HDAC4: variants seen among roughly 807,000 people sequenced by gnomAD.
HDAC4 encodes histone deacetylase A.
Under a neutral mutation model 135.1 loss-of-function variants are expected in HDAC4, and 16 were observed. The ratio of observed to expected loss-of-function variants is 0.12; its 90% CI spans 0.08 to 0.18. The LOEUF (loss-of-function observed/expected upper bound fraction) is 0.18. Ranked by LOEUF, HDAC4 falls within the 10% of genes least tolerant of loss-of-function variation. The probability of loss-of-function intolerance (pLI) is 1.00; values close to 1 mark genes in which losing one functional copy is unlikely to be tolerated. For synonymous variants in HDAC4, 685 were observed against 653.4 expected, an observed-to-expected ratio of 1.05 and a Z score of -0.74; for missense variants, 1,143 against 1,511.8, an observed-to-expected ratio of 0.76 and a Z score of 4.05.
chr2:239,090,081 C>T lies in HDAC4; in HGVS notation c.2316G>A (p.Ser772=), dbSNP rs200969154. The T allele has an allele frequency of 2.6e-5, 42 of 1,613,842 alleles. No homozygotes were observed. The highest frequency in any genetic ancestry group is 3.3e-4 in the Middle Eastern group (2 of 6,062). ...CCACAGCCAGGCGGGCTGCCCCCGC[C>T]GAGTGCACCTCGTTCCATATGGTGT... ...DSDTIWNEVH[S]AGAARLAVGC... The change falls in exon 18 of 27, where the codon TCG becomes TCA. Residue 772 remains serine, a synonymous_variant. Coordinates refer to ENST00000543185, the MANE Select transcript of HDAC4 (RefSeq NM_001378414.1).
At chr2:239,281,243 TCCACA>T (rs2125367478) in intron 2 of HDAC4, among the ~76,000 whole-genome samples, 1 of 128,492 alleles carries the variant, frequency 7.8e-6, no homozygotes, top group Non-Finnish European at 1.6e-5. Context: ...CACACCACTC[TCCACA>T]CAATGTACAC....
chr2:239,389,342 C>T (rs116344477), intron 1 of HDAC4, among the ~76,000 whole-genome samples: 2,066 of 152,308 alleles, frequency 0.014, 21 homozygotes, highest in Middle Eastern at 0.037. Flanking sequence ...TGGGTCCGCA[C>T]TACCTTTAAG....
chr2:239,141,002 T>A lies in HDAC4; in HGVS notation c.866-1206A>T, dbSNP rs2041337098. On this transcript the variant is annotated intron_variant, in intron 8 of 26. Coordinates refer to ENST00000543185, the MANE Select transcript of HDAC4 (RefSeq NM_001378414.1). The surrounding 1 kb of genome is among the most constrained non-coding windows in gnomAD (Gnocchi z 4.9). The stretch of plus-strand genomic sequence containing the variant: ...AGCTCCCCCAACCTGGCAGACCTGA[T>A]TCCAAACTTTGCCTTTATTAGCTCA... 1 of 381,064 alleles carries A rather than the reference T, an allele frequency of 2.6e-6. No homozygotes were observed. The allele number at this position is 381,064 out of a possible 1,614,324, so 23.6% of individuals were successfully genotyped here.
intron 12 of HDAC4, among the ~76,000 whole-genome samples, chr2:239,126,105 T>C (rs2040168186): frequency 1.3e-5 from 2 of 152,244 alleles, no homozygotes; most frequent in Non-Finnish European, 2.9e-5. Context: ...TTCCATTCGC[T>C]GGCACTGATG....
At chr2:239,054,959 G>A (rs1045479644) in intron 24 of HDAC4, 126 bp from the exon 25 acceptor site, 7 of 734,188 alleles carry the variant, frequency 9.5e-6, no homozygotes, top group Admixed American at 2.0e-5. Context: ...TGCCCACAGA[G>A]TAGAAAAAAA....
Position 239,141,855 on chromosome 2 carries a change from T to G in HDAC4, c.866-2059A>C, listed in dbSNP as rs759085525. 6.6e-6 allele frequency among the ~76,000 whole-genome samples: 1 copy of G among 152,260 alleles called. No homozygotes were observed. The highest frequency in any genetic ancestry group is 1.5e-5 in the Non-Finnish European group (1 of 68,046). On this transcript the variant is annotated intron_variant, in intron 8 of 26. Transcript: ENST00000543185. This position sits in a 1 kb window ranked among gnomAD's most constrained non-coding sequence, Gnocchi z 4.9. ...CTCAACGAGGTTAATTTTATTTTTT[T>G]GCATTCTACTTCCAGGAATAGGTCT... is the stretch of plus-strand genomic sequence containing the variant.
chr2:239,116,587 C>T (rs769218950), intron 12 of HDAC4, among the ~76,000 whole-genome samples: 10 of 152,236 alleles, frequency 6.6e-5, no homozygotes, highest in South Asian at 2.1e-4. Flanking sequence ...CCAGCGTCAA[C>T]GCTTTGCAAT....
chr2:239,301,103 C>A (rs1245243511), intron 2 of HDAC4, among the ~76,000 whole-genome samples: 1 of 152,208 alleles, frequency 6.6e-6, no homozygotes, highest in East Asian at 1.9e-4. Context: ...GGCCTTCCTG[C>A]AGCAACCCCT....
At chr2:239,082,000 A>G in intron 21 of HDAC4, 102 bp downstream of exon 21, 1 of 1,286,118 alleles carries the variant, frequency 7.8e-7, no homozygotes, top group South Asian at 1.2e-5. Flanking sequence ...CGAAGGCCGC[A>G]CTCACTGCTG....
Position 239,352,130 on chromosome 2 carries a change from C to G in HDAC4, c.22+548G>C, listed in dbSNP as rs536421425. Among the ~76,000 whole-genome samples the G allele has an allele frequency of 3.7e-4, 57 of 152,320 alleles. No individual in the cohort carries two copies. Among genetic ancestry groups the G allele is most frequent in the African/African-American group, 1.3e-3 (56 of 41,556 alleles). Reference sequence around the variant, plus strand: ...CACCTACCAGCTCTGTGACCTCAGGCAAATTACTTCTTCCCTCCAGGCCTG... The same window carrying G: ...CACCTACCAGCTCTGTGACCTCAGGGAAATTACTTCTTCCCTCCAGGCCTG... On this transcript the variant is annotated intron_variant, in intron 2 of 26. Transcript: ENST00000543185. This position sits in a 1 kb window ranked among gnomAD's most constrained non-coding sequence, Gnocchi z 4.4.
chr2:239,102,498 G>A (rs1257895298), intron 16 of HDAC4: 8 of 447,896 alleles, frequency 1.8e-5, no homozygotes, highest in Non-Finnish European at 3.3e-5. Flanking sequence ...TGCTGGCTGT[G>A]TTCCTAATCA....
intron 2 of HDAC4, among the ~76,000 whole-genome samples, chr2:239,330,353 C>A (rs1299269321): frequency 1.3e-5 from 2 of 152,252 alleles, no homozygotes; most frequent in Non-Finnish European, 2.9e-5. Context: ...GTGGCAGCTG[C>A]TAACCCTGCC....
At chr2:239,232,105 G>T (rs970626944) in intron 3 of HDAC4, among the ~76,000 whole-genome samples, 1 of 152,198 alleles carries the variant, frequency 6.6e-6, no homozygotes, top group Non-Finnish European at 1.5e-5. Flanking sequence ...CGCCTGCAAG[G>T]CCTGGCTGGA....
chr2:239,114,523 A>G (rs2038957920), intron 13 of HDAC4, among the ~76,000 whole-genome samples: 1 of 152,204 alleles, frequency 6.6e-6, no homozygotes, highest in African/African-American at 2.4e-5. Context: ...GGCCTTCTTC[A>G]TCAGTCTCCT....
At chr2:239,247,468 G>A (rs528854486) in intron 2 of HDAC4, among the ~76,000 whole-genome samples, 65 of 152,312 alleles carry the variant, frequency 4.3e-4, no homozygotes, top group Non-Finnish European at 8.1e-4. Context: ...TGCGGGGCGA[G>A]AGACTCCCTT....
At chr2:239,172,732 GGA>G in intron 5 of HDAC4, among the ~76,000 whole-genome samples, 1 of 152,122 alleles carries the variant, frequency 6.6e-6, no homozygotes, top group African/African-American at 2.4e-5. Flanking sequence ...ATAAACTTCT[GGA>G]GAGAGTGACC....
chr2:239,123,640 G>A (rs559054609), intron 12 of HDAC4, among the ~76,000 whole-genome samples: 220 of 152,340 alleles, frequency 1.4e-3, no homozygotes, highest in African/African-American at 5.0e-3. Flanking sequence ...CGGACACCAC[G>A]CAATCAAAGC....
At chr2:239,165,373 C>T (rs1415132937) in intron 5 of HDAC4, among the ~76,000 whole-genome samples, 1 of 152,218 alleles carries the variant, frequency 6.6e-6, no homozygotes, top group Non-Finnish European at 1.5e-5. Flanking sequence ...GTGAGGCACC[C>T]CTGAGCACCA....
At chr2:239,183,050 C>G (rs1320860530) in intron 4 of HDAC4, among the ~76,000 whole-genome samples, 2 of 152,214 alleles carry the variant, frequency 1.3e-5, no homozygotes, top group African/African-American at 4.8e-5. Context: ...GGGGCAAGGG[C>G]TGTTGGGAAG....
Sources: gnomAD v4.1 joint callset for allele counts (sites outside exome capture counted in the v4.1 genomes callset) on GRCh38, gnomAD v4.1.1 for gene constraint, Gnocchi (gnomAD v3.1) non-coding constraint, MANE v1.5 for transcripts, NCBI Gene and HGNC (gene_info 2026-07-23, HGNC 2026-07-21) for gene names.